The following RPL22L1 variants were observed in gnomAD, a reference collection of about 807,000 sequenced individuals.
RPL22L1 encodes ribosomal protein eL22-like.
Under a neutral mutation model 17.3 loss-of-function variants are expected in RPL22L1, and 19 were observed. The ratio of observed to expected loss-of-function variants is 1.10; its 90% CI spans 0.77 to 1.61. The LOEUF (loss-of-function observed/expected upper bound fraction) is 1.61, where lower values mean the gene tolerates loss of function less well. Ranked by LOEUF, RPL22L1 falls within the 40% of genes most tolerant of loss-of-function variation. RPL22L1 has a pLI of 0.00. For synonymous variants in RPL22L1, 48 were observed against 48.5 expected (o/e 0.99, Z 0.05); for missense variants, 139 against 144.4 (o/e 0.96, Z 0.19).
chr3:170,869,997 AG>A, intron 1 of RPL22L1, 161 bp downstream of exon 1: 2 of 1,067,244 alleles, frequency 1.9e-6, no homozygotes, highest in Non-Finnish European at 2.8e-6. Flanking sequence ...CTCGAAAAAC[AG>A]TTCAGGATCC....
chr3:170,868,504 T>C lies in RPL22L1; in HGVS notation c.10-114A>G, dbSNP rs186965809. On this transcript the variant is annotated intron_variant, in intron 1 of 3. Coordinates refer to ENST00000295830, the MANE Select transcript of RPL22L1 (RefSeq NM_001099645.2). ...GTACAATGTACTGTTAGGTTACATATACAGAAATGTAACAATAAATAAAAA... is the reference window on the plus strand; with the variant it reads ...GTACAATGTACTGTTAGGTTACATACACAGAAATGTAACAATAAATAAAAA... The C allele has an allele frequency of 2.9e-5, 18 of 612,868 alleles. No homozygotes were observed. In the Admixed American group the frequency reaches 3.0e-4, roughly 10 times the overall value. 38.0% of individuals were successfully genotyped at this position (612,868 alleles called of 1,614,324 possible).
rs1402145408 is a variant in RPL22L1 at position 170,865,056 on chromosome 3, A to T, written c.*1324T>A. Reference sequence around the variant, plus strand: ...GTGCACAGTAGTAGGTACCTGGTTAACTATTTGTGAAAAACATGAAAAATG... The same window carrying T: ...GTGCACAGTAGTAGGTACCTGGTTATCTATTTGTGAAAAACATGAAAAATG... On this transcript the variant is annotated 3_prime_UTR_variant, in exon 4 of 4. Coordinates refer to ENST00000295830, the MANE Select transcript of RPL22L1 (RefSeq NM_001099645.2). The T allele has an allele frequency of 3.9e-5, 6 of 152,236 alleles. No individual in the cohort carries two copies. The highest frequency in any genetic ancestry group is 8.8e-5 in the Non-Finnish European group (6 of 68,040). The allele number at this position is 152,236 out of a possible 1,614,324, so 9.4% of individuals were successfully genotyped here. A position where few individuals can be genotyped will look rare whatever the true frequency, so the allele number is the denominator to read the frequency against.
rs1164186828 is a variant in RPL22L1 at position 170,866,407 on chromosome 3, A to C, written c.342T>G (p.Asp114Glu). Residue 114 changes from aspartate to glutamate, a missense_variant, in exon 4 of 4, where the codon GAT becomes GAG. Coordinates refer to ENST00000295830, the MANE Select transcript of RPL22L1 (RefSeq NM_001099645.2). ...AGTCCTCCGACTCTGATTCATCTTC[A>C]TCTTGACTAATCTGGAAGTAACGAA... ...YELRYFQISQ[D>E]EDESESED 3.7e-6 allele frequency: 6 copies of C among 1,606,830 alleles called. No homozygotes were observed. Among genetic ancestry groups the C allele is most frequent in the Non-Finnish European group, 5.1e-6 (6 of 1,176,280 alleles).
chr3:170,866,612 T>A (rs2108279815), intron 3 of RPL22L1, 88 bp from the exon 4 acceptor site: 1 of 939,994 alleles, frequency 1.1e-6, no homozygotes, highest in East Asian at 2.7e-5. Flanking sequence ...ATCATCATAT[T>A]CATCTTTTCT....
chr3:170,868,695 T>C (rs568604149), intron 1 of RPL22L1, among the ~76,000 whole-genome samples: 2 of 151,190 alleles, frequency 1.3e-5, no homozygotes, highest in East Asian at 3.9e-4. Flanking sequence ...AATAGGTTAG[T>C]ATACTGCCTA....
chr3:170,868,324 C>T lies in RPL22L1; in HGVS notation c.76G>A (p.Asp26Asn). 6.2e-7 allele frequency: 1 copy of T among 1,609,958 alleles called. No individual in the cohort carries two copies. The highest frequency in any genetic ancestry group is 8.5e-7 in the Non-Finnish European group (1 of 1,177,864). ...FNLDLTHPVEDGIFDSGNFEQ... is the reference protein window; with the variant it reads ...FNLDLTHPVENGIFDSGNFEQ... ...AAATTTCCAGAATCAAAAATTCCAT[C>T]TTCTACTGGATGAGTAAGGTCCAAA... The change falls in exon 2 of 4, where the codon GAT (aspartate) becomes AAT (asparagine). Residue 26 changes from aspartate (D) to asparagine (N), a missense_variant. By Grantham distance (23) the Asp-to-Asn change is conservative (BLOSUM62 1). Coordinates refer to ENST00000295830, the MANE Select transcript of RPL22L1 (RefSeq NM_001099645.2).
At chr3:170,868,679 G>C (rs769283998) in intron 1 of RPL22L1, among the ~76,000 whole-genome samples, 1 of 151,796 alleles carries the variant, frequency 6.6e-6, no homozygotes, top group African/African-American at 2.4e-5. Context: ...CCCCACTGCA[G>C]ATGGGAATAG....
In RPL22L1 at chr3:170,868,000, CA is replaced by C. The variant is rs1280256543; in HGVS notation, c.224+12del. On this transcript the variant is annotated intron_variant, in intron 3 of 3. Coordinates refer to ENST00000295830, the MANE Select transcript of RPL22L1 (RefSeq NM_001099645.2). ...ACTACTATAGTTTTATTAAAATTTGCAAAAGTACCAACCTTTTAGAGAACTG... is the reference window on the plus strand; with the variant it reads ...ACTACTATAGTTTTATTAAAATTTGCAAAGTACCAACCTTTTAGAGAACTG... 2 of 1,566,304 alleles carry C rather than the reference CA, an allele frequency of 1.3e-6. No individual in the cohort carries two copies. The highest frequency in any genetic ancestry group is 2.4e-5 in the South Asian group (2 of 84,462).
rs769985091 is a variant in RPL22L1 at position 170,868,084 on chromosome 3, G to A, written c.153C>T (p.Leu51=). 2.1e-5 allele frequency: 33 copies of A among 1,605,364 alleles called. No individual in the cohort carries two copies. The highest frequency in any genetic ancestry group is 2.4e-5 in the Non-Finnish European group (28 of 1,175,098). ...AGCGTTCAATGTGAACAACATTCCCGAGATTTCCAGTTTTGCCATTGACTT... is the reference window on the plus strand; with the variant it reads ...AGCGTTCAATGTGAACAACATTCCCAAGATTTCCAGTTTTGCCATTGACTT... The part of the protein sequence containing the change: ...KVKVNGKTGN[L]GNVVHIERFK... The change falls in exon 3 of 4, where the codon CTC becomes CTT. Residue 51 remains leucine, a synonymous_variant. Transcript: ENST00000295830.
Position 170,870,161 on chromosome 3 carries a change from G to T in RPL22L1, c.7C>A (p.Pro3Thr). Residue 3 changes from proline to threonine, a missense_variant and splice_region_variant, in exon 1 of 4, where the codon CCG (proline) becomes ACG (threonine). Physicochemically the swap from Pro to Thr is conservative, Grantham distance 38. Coordinates refer to ENST00000295830, the MANE Select transcript of RPL22L1 (RefSeq NM_001099645.2). ...CCACCAAGACATCGCTCACTCACCG[G>T]CGCCATCTTGCGAGTCGGCCGCGAG... is the stretch of plus-strand genomic sequence containing the variant. MA[P>T]QKDRKPKRST... 6.2e-7 allele frequency: 1 copy of T among 1,613,916 alleles called. No individual in the cohort carries two copies. Among genetic ancestry groups the T allele is most frequent in the East Asian group, 2.2e-5 (1 of 44,876 alleles).
In RPL22L1 at chr3:170,866,383, G is replaced by C. The variant is rs770542430; in HGVS notation, c.366C>G (p.Asp122Glu). Residue 122 changes from aspartate (D) to glutamate (E), a missense_variant, in exon 4 of 4, where the codon GAC (aspartate) becomes GAG (glutamate). Physicochemically the swap from Asp to Glu is conservative, Grantham distance 45. Coordinates refer to ENST00000295830, the MANE Select transcript of RPL22L1 (RefSeq NM_001099645.2). ...SQDEDESESE[D>E] is the part of the protein sequence containing the mutation. ...GCCCTGTAAGGGGAGCCTTTGCCTA[G>C]TCCTCCGACTCTGATTCATCTTCAT... 6.2e-7 allele frequency: 1 copy of C among 1,602,412 alleles called. No homozygotes were observed. Among genetic ancestry groups the C allele is most frequent in the Non-Finnish European group, 8.5e-7 (1 of 1,173,752 alleles).
intron 1 of RPL22L1, chr3:170,869,892 C>A: frequency 1.6e-6 from 1 of 619,270 alleles, no homozygotes; most frequent in South Asian, 1.5e-5. Flanking sequence ...TACAGTTGTG[C>A]CTCCCTCTTT....
chr3:170,870,159 C>G lies in RPL22L1; in HGVS notation c.9G>C (p.Pro3=), dbSNP rs985181044. 8 of 1,613,888 alleles carry G rather than the reference C, an allele frequency of 5.0e-6. No homozygotes were observed. In the Admixed American group the frequency reaches 1.0e-4, roughly 20 times the overall value. ...TCCCACCAAGACATCGCTCACTCAC[C>G]GGCGCCATCTTGCGAGTCGGCCGCG... MA[P]QKDRKPKRST... Residue 3 remains proline, a splice_region_variant and synonymous_variant, in exon 1 of 4, where the codon CCG becomes CCC. Coordinates refer to ENST00000295830, the MANE Select transcript of RPL22L1 (RefSeq NM_001099645.2).
intron 3 of RPL22L1, 37 bp downstream of exon 3, chr3:170,867,976 C>A: frequency 6.8e-7 from 1 of 1,477,730 alleles, no homozygotes; most frequent in Non-Finnish European, 9.2e-7. Flanking sequence ...TATTCCAAAA[C>A]TACTATAGTT....
At chr3:170,868,579 C>G (rs1394328086) in intron 1 of RPL22L1, among the ~76,000 whole-genome samples, 189 bp from the exon 2 acceptor site, 3 of 151,932 alleles carry the variant, frequency 2.0e-5, no homozygotes, top group African/African-American at 7.2e-5. Flanking sequence ...TAACCAAGTC[C>G]TAATATGTTC....
At chr3:170,866,568 T>C in intron 3 of RPL22L1, 44 bp from the exon 4 acceptor site, 1 of 1,434,528 alleles carries the variant, frequency 7.0e-7, no homozygotes, top group Non-Finnish European at 9.5e-7. Context: ...ATACAATTCC[T>C]ACTATGTAAA....
intron 2 of RPL22L1, 79 bp downstream of exon 2, chr3:170,868,219 G>C: frequency 6.8e-7 from 1 of 1,481,472 alleles, no homozygotes; most frequent in Non-Finnish European, 9.4e-7. Flanking sequence ...TAGAGCTTAG[G>C]TTATTATCAA....
rs945487795 is a variant in RPL22L1, at chr3:170,865,200, A to T, written c.*1180T>A. On this transcript the variant is annotated 3_prime_UTR_variant, in exon 4 of 4. Transcript: ENST00000295830. The stretch of plus-strand genomic sequence containing the variant: ...AATTTTTAGGAAAACGAATTAAAAC[A>T]TTGAATTAAACAATAATTTCAAGCA... The T allele has an allele frequency of 2.8e-4, 42 of 152,268 alleles. No homozygotes were observed. Among genetic ancestry groups the T allele is most frequent in the African/African-American group, 9.2e-4 (38 of 41,468 alleles). 9.4% of individuals were successfully genotyped at this position (152,268 alleles called of 1,614,324 possible).
Position 170,866,478 on chromosome 3 carries a change from G to A in RPL22L1, c.271C>T (p.Arg91Cys), listed in dbSNP as rs755978751. The stretch of plus-strand genomic sequence containing the variant: ...GATGCAACCACTCGAAGCCAATCAC[G>A]AAGATTGTTCTTCTTAAGGTATTTC... Reference protein sequence around the residue: ...TKKYLKKNNLRDWLRVVASDK... With the variant: ...TKKYLKKNNLCDWLRVVASDK... Residue 91 changes from arginine to cysteine, a missense_variant, in exon 4 of 4, where the codon CGT becomes TGT. Coordinates refer to ENST00000295830, the MANE Select transcript of RPL22L1 (RefSeq NM_001099645.2). 23 of 1,577,570 alleles carry A rather than the reference G, an allele frequency of 1.5e-5. No individual in the cohort carries two copies. The highest frequency in any genetic ancestry group is 3.5e-5 in the South Asian group (3 of 86,220).
Sources: allele counts gnomAD v4.1 joint callset (sites outside exome capture counted in the v4.1 genomes callset), GRCh38; gene constraint gnomAD v4.1.1; transcripts MANE v1.5; gene names NCBI Gene and HGNC (gene_info 2026-07-23, HGNC 2026-07-21).